The following FAM171A1 variants were observed in gnomAD, a reference collection of about 807,000 sequenced individuals.
FAM171A1 encodes the protein family with sequence similarity 171 member A1, also known as protein FAM171A1.
FAM171A1 carries 23 observed loss-of-function variants against 74.9 expected under a neutral mutation model. The ratio of observed to expected loss-of-function variants is 0.31; its 90% CI spans 0.22 to 0.44. The LOEUF (loss-of-function observed/expected upper bound fraction) is 0.44, where lower values mean the gene tolerates loss of function less well. Among genes scored for constraint, FAM171A1 ranks in the 20% least tolerant of loss-of-function variants. FAM171A1 has a pLI of 1.00. For synonymous variants in FAM171A1, 527 were observed against 505.7 expected, an observed-to-expected ratio of 1.04 and a Z score of -0.57; for missense variants, 1,162 against 1,159.2, an observed-to-expected ratio of 1.00 and a Z score of -0.03.
rs186020121 is a variant in FAM171A1 at position 15,214,839 on chromosome 10, C to T, written c.987-238G>A. Reference sequence around the variant, plus strand: ...GCAGTGCTATGATCATAGCTCACTGCAGGCTTGACCTCATGGGCTCAAGTG... The same window carrying T: ...GCAGTGCTATGATCATAGCTCACTGTAGGCTTGACCTCATGGGCTCAAGTG... On this transcript the variant is annotated intron_variant, in intron 7 of 7. Coordinates refer to ENST00000378116, the MANE Select transcript of FAM171A1 (RefSeq NM_001010924.2). Among the ~76,000 whole-genome samples the T allele has an allele frequency of 4.0e-5, 6 of 151,494 alleles. No homozygotes were observed. In the East Asian group the frequency reaches 1.2e-3, roughly 29 times the overall value.
chr10:15,257,146 G>A (rs779980916), intron 3 of FAM171A1, among the ~76,000 whole-genome samples: 3 of 152,112 alleles, frequency 2.0e-5, no homozygotes, highest in Non-Finnish European at 4.4e-5. Context: ...GAGCAAAGAG[G>A]GAGCCTGTCC....
chr10:15,351,818 C>G (rs542425660), intron 1 of FAM171A1, among the ~76,000 whole-genome samples: 1 of 152,188 alleles, frequency 6.6e-6, no homozygotes, highest in African/African-American at 2.4e-5. Context: ...CTTCTAGGGC[C>G]AAGGCAGGTG....
In FAM171A1 at chr10:15,347,707, G is replaced by A. The variant is rs530833679; in HGVS notation, c.97+23249C>T. On this transcript the variant is annotated intron_variant, in intron 1 of 7. Transcript: ENST00000378116. ...AAAAATTAGCTGGGCGTGGTGGTGCGCACCTGTAGTCTCAGCTACTTGGAG... is the reference window on the plus strand; with the variant it reads ...AAAAATTAGCTGGGCGTGGTGGTGCACACCTGTAGTCTCAGCTACTTGGAG... Among the ~76,000 whole-genome samples, 27 of 151,716 alleles carry A rather than the reference G, an allele frequency of 1.8e-4. No homozygotes were observed. In the South Asian group the frequency reaches 4.6e-3, roughly 26 times the overall value.
At chr10:15,233,567 C>T (rs548608302) in intron 5 of FAM171A1, among the ~76,000 whole-genome samples, 44 of 138,614 alleles carry the variant, frequency 3.2e-4, no homozygotes, top group African/African-American at 7.9e-4. Flanking sequence ...CATGTGTGTG[C>T]GTAAAAATAA....
At chr10:15,274,838 A>T (rs1269363233) in intron 3 of FAM171A1, among the ~76,000 whole-genome samples, 2 of 152,150 alleles carry the variant, frequency 1.3e-5, no homozygotes. Flanking sequence ...AATAGCAAAG[A>T]CTTGGAACCA....
intron 1 of FAM171A1, among the ~76,000 whole-genome samples, chr10:15,368,110 G>A (rs538980938): frequency 2.0e-5 from 3 of 152,130 alleles, no homozygotes; most frequent in African/African-American, 7.2e-5. Flanking sequence ...CAACTGAGAG[G>A]AAACACTTAA....
chr10:15,228,269 G>A (rs1056049555), intron 5 of FAM171A1, among the ~76,000 whole-genome samples: 11 of 150,500 alleles, frequency 7.3e-5, no homozygotes, highest in African/African-American at 2.7e-4. Context: ...AATCTCACAT[G>A]TTAAGAGATT....
chr10:15,358,350 C>T (rs981005659), intron 1 of FAM171A1, among the ~76,000 whole-genome samples: 3 of 152,118 alleles, frequency 2.0e-5, no homozygotes, highest in African/African-American at 2.4e-5. Context: ...TGGTATTTCA[C>T]ACTTATTTCA....
At chr10:15,274,141 G>A (rs1437732672) in intron 3 of FAM171A1, among the ~76,000 whole-genome samples, 6 of 152,174 alleles carry the variant, frequency 3.9e-5, no homozygotes, top group East Asian at 1.9e-4. Context: ...AAACCCCATC[G>A]TCTCAGCCCA....
chr10:15,370,770 T>C (rs1281488603), intron 1 of FAM171A1, among the ~76,000 whole-genome samples, 186 bp downstream of exon 1: 2 of 134,402 alleles, frequency 1.5e-5, no homozygotes, highest in East Asian at 5.1e-4. Context: ...TCACCCCGCG[T>C]CGCCGGCCCG....
chr10:15,290,235 A>G (rs968680590), intron 1 of FAM171A1, among the ~76,000 whole-genome samples: 2 of 146,604 alleles, frequency 1.4e-5, no homozygotes, highest in African/African-American at 5.0e-5. Flanking sequence ...AAGCCACCAC[A>G]CTCAAGGGAC....
chr10:15,339,262 A>T (rs1343407445), intron 1 of FAM171A1, among the ~76,000 whole-genome samples: 1 of 152,202 alleles, frequency 6.6e-6, no homozygotes, highest in African/African-American at 2.4e-5. Flanking sequence ...TAGTGAACCA[A>T]TATGGATGTA....
rs1055217108 is a variant in FAM171A1, at chr10:15,215,926, T to C, written c.986+70A>G. 9.5e-6 allele frequency: 9 copies of C among 948,894 alleles called. No individual in the cohort carries two copies. The African/African-American group carries it at 1.4e-4, about 14-fold the overall frequency. 58.8% of individuals were successfully genotyped at this position (948,894 alleles called of 1,614,324 possible). On this transcript the variant is annotated intron_variant, in intron 7 of 7. Transcript: ENST00000378116. ...AAAAAAAAACCCACCTCCATATTAA[T>C]GCTTCTAAGTATCAATTGCCCAAGA...
chr10:15,263,270 C>A (rs558545969), intron 3 of FAM171A1, among the ~76,000 whole-genome samples: 3 of 152,290 alleles, frequency 2.0e-5, no homozygotes, highest in African/African-American at 4.8e-5. Flanking sequence ...CTGGCTCCCC[C>A]AGTCTCATCT....
chr10:15,318,285 C>T (rs190582576), intron 1 of FAM171A1, among the ~76,000 whole-genome samples: 13 of 152,236 alleles, frequency 8.5e-5, no homozygotes, highest in African/African-American at 2.4e-4. Context: ...CCAGTGAATC[C>T]GGAGAAAGAG....
At chr10:15,302,943 C>T (rs1835249821) in intron 1 of FAM171A1, among the ~76,000 whole-genome samples, 1 of 152,190 alleles carries the variant, frequency 6.6e-6, no homozygotes, top group South Asian at 2.1e-4. Context: ...AATCCCAGCA[C>T]TTTGGGAGGC....
intron 3 of FAM171A1, among the ~76,000 whole-genome samples, chr10:15,271,405 T>G (rs1234507498): frequency 6.6e-6 from 1 of 152,180 alleles, no homozygotes; most frequent in East Asian, 1.9e-4. Flanking sequence ...AATTTACGTC[T>G]GATTGGTGTA....
intron 6 of FAM171A1, 104 bp from the exon 7 acceptor site, chr10:15,216,214 G>C (rs1019332410): frequency 1.4e-6 from 1 of 701,364 alleles, no homozygotes; most frequent in African/African-American, 1.8e-5. Flanking sequence ...TCTTAGCTGG[G>C]GCATAGAGCA....
rs369302094 is a variant in FAM171A1 at position 15,284,067 on chromosome 10, G to A, written c.136C>T (p.His46Tyr). Residue 46 changes from histidine (H) to tyrosine (Y), a missense_variant, in exon 2 of 8, where the codon CAC becomes TAC. Physicochemically the swap from His to Tyr is moderately conservative, Grantham distance 83 (BLOSUM62 2). Coordinates refer to ENST00000378116, the MANE Select transcript of FAM171A1 (RefSeq NM_001010924.2). ...ATGAGCGCATCTGCTACGGGCTGGTGGGTGCTGGCGTCGCTGATGTGCACC... is the reference window on the plus strand; with the variant it reads ...ATGAGCGCATCTGCTACGGGCTGGTAGGTGCTGGCGTCGCTGATGTGCACC... ...LKVHISDAST[H>Y]QPVADALIEI... 10 of 1,613,824 alleles carry A rather than the reference G, an allele frequency of 6.2e-6. No homozygotes were observed. In the African/African-American group the frequency reaches 1.3e-4, roughly 22 times the overall value.
Sources: gnomAD v4.1 joint callset for allele counts (sites outside exome capture counted in the v4.1 genomes callset) on GRCh38, gnomAD v4.1.1 for gene constraint, MANE v1.5 for transcripts, NCBI Gene and HGNC (gene_info 2026-07-23, HGNC 2026-07-21) for gene names.